The following FGF14 variants were observed in gnomAD, a reference collection of about 807,000 sequenced individuals.
FGF14 encodes fibroblast growth factor homologous factor 4.
A neutral mutation model predicts 25.5 loss-of-function variants in FGF14; 5 were observed. That is an observed-to-expected ratio of 0.20 (90% CI 0.10 to 0.41). FGF14 has a LOEUF of 0.41. Ranked by LOEUF, FGF14 falls within the 10% of genes least tolerant of loss-of-function variation. The pLI is 1.00. For synonymous variants in FGF14, 138 were observed against 118.3 expected (o/e 1.17, Z -1.08); for missense variants, 222 against 320.1 (o/e 0.69, Z 2.34).
At chr13:101,982,080 C>G (rs1388360886) in intron 1 of FGF14, among the ~76,000 whole-genome samples, 1 of 152,096 alleles carries the variant, frequency 6.6e-6, no homozygotes, top group Non-Finnish European at 1.5e-5. Context: ...TTAGTAGGGT[C>G]ACCATAAAAT....
In FGF14 at chr13:102,073,976, C is replaced by G. The variant is rs1347693487; in HGVS notation, c.209-198680G>C. On this transcript the variant is annotated intron_variant, in intron 1 of 4. Coordinates refer to the FGF14 transcript ENST00000376131. ...CTCCCTCTCTCTCTGCCCTTCCCAACAAGGTCTGAGACAGTTTCATAAAAG... is the reference window on the plus strand; with the variant it reads ...CTCCCTCTCTCTCTGCCCTTCCCAAGAAGGTCTGAGACAGTTTCATAAAAG... Among the ~76,000 whole-genome samples the G allele has an allele frequency of 5.9e-5, 9 of 152,180 alleles. No individual in the cohort carries two copies. In the South Asian group the frequency reaches 1.9e-3, roughly 32 times the overall value.
At chr13:101,939,369 T>A (rs2035299867) in intron 1 of FGF14, among the ~76,000 whole-genome samples, 1 of 152,226 alleles carries the variant, frequency 6.6e-6, no homozygotes, top group South Asian at 2.1e-4. Context: ...TAGAAATAGC[T>A]TAGTAAGCCA....
intron 1 of FGF14, among the ~76,000 whole-genome samples, chr13:102,105,365 C>T (rs2044857566): frequency 1.3e-5 from 2 of 152,044 alleles, no homozygotes; most frequent in South Asian, 4.2e-4. Flanking sequence ...TTTAATTGAC[C>T]ATGGTTGACC....
intron 1 of FGF14, among the ~76,000 whole-genome samples, chr13:102,302,072 A>G (rs75131475): frequency 0.027 from 4,064 of 152,134 alleles, 193 homozygotes; most frequent in African/African-American, 0.092. Flanking sequence ...CCTTCCTCAC[A>G]CTGCTTGTTC....
At chr13:102,340,403 T>C (rs554519297) in intron 1 of FGF14, among the ~76,000 whole-genome samples, 158 of 152,010 alleles carry the variant, frequency 1.0e-3, no homozygotes, top group African/African-American at 3.7e-3. Flanking sequence ...TTGCTAGCTA[T>C]TCTTTGCCCG....
At chr13:101,779,649 T>C (rs1450642728) in intron 3 of FGF14, among the ~76,000 whole-genome samples, 2 of 152,226 alleles carry the variant, frequency 1.3e-5, no homozygotes, top group Non-Finnish European at 2.9e-5. Flanking sequence ...TGCATACATC[T>C]AATCTGAAGG....
intron 3 of FGF14, among the ~76,000 whole-genome samples, chr13:101,839,679 T>C (rs1412456774): frequency 6.6e-6 from 1 of 152,002 alleles, no homozygotes; most frequent in Non-Finnish European, 1.5e-5. Context: ...ATTATGTCTA[T>C]GGTGTTTTCC....
chr13:101,743,041 C>T (rs1312626683), intron 3 of FGF14, among the ~76,000 whole-genome samples: 2 of 152,182 alleles, frequency 1.3e-5, no homozygotes, highest in African/African-American at 4.8e-5. Context: ...AAGTCCCCTC[C>T]CTGCTTCAAG....
At chr13:102,155,046 T>C (rs1227133532) in intron 1 of FGF14, among the ~76,000 whole-genome samples, 1 of 152,060 alleles carries the variant, frequency 6.6e-6, no homozygotes, top group Non-Finnish European at 1.5e-5. Context: ...AGACTTAGAC[T>C]CCCACACAAT....
At chr13:101,905,652 G>A (rs1438618858) in intron 1 of FGF14, among the ~76,000 whole-genome samples, 3 of 152,040 alleles carry the variant, frequency 2.0e-5, no homozygotes, top group Non-Finnish European at 4.4e-5. Context: ...GTATACCTAT[G>A]TAACAAAACT....
At chr13:102,149,765 A>G (rs987605175) in intron 1 of FGF14, among the ~76,000 whole-genome samples, 2 of 152,230 alleles carry the variant, frequency 1.3e-5, no homozygotes, top group Admixed American at 6.5e-5. Context: ...AGCCCAGGGC[A>G]GAGCTCCGGA....
intron 1 of FGF14, among the ~76,000 whole-genome samples, chr13:102,261,407 A>C (rs527616926): frequency 6.6e-6 from 1 of 152,338 alleles, no homozygotes; most frequent in South Asian, 2.1e-4. Context: ...TAAATGAAAA[A>C]CCAATGTGAA....
At chr13:101,739,541 G>A (rs2036406921) in intron 3 of FGF14, among the ~76,000 whole-genome samples, 1 of 152,168 alleles carries the variant, frequency 6.6e-6, no homozygotes, top group Non-Finnish European at 1.5e-5. Flanking sequence ...ACCAGTATGA[G>A]TTAACTAGAC....
At chr13:101,847,416 C>G (rs530634233) in intron 3 of FGF14, among the ~76,000 whole-genome samples, 2 of 152,132 alleles carry the variant, frequency 1.3e-5, no homozygotes, top group African/African-American at 4.8e-5. Flanking sequence ...TTAAGTATAA[C>G]TTAGCTCTTT....
chr13:102,362,091 T>C (rs2057582691), intron 1 of FGF14, among the ~76,000 whole-genome samples: 1 of 152,172 alleles, frequency 6.6e-6, no homozygotes, highest in African/African-American at 2.4e-5. Context: ...GTGTCCTCAC[T>C]ACTGCCAGAA....
rs549662663 is a variant in FGF14 at position 102,200,911 on chromosome 13, G to A, written c.208+200560C>T. ...AGGTCGGGAGATCGAGACCATCTTGGCTAACATGGTGAAACCCCGTCTCTA... is the reference window on the plus strand; with the variant it reads ...AGGTCGGGAGATCGAGACCATCTTGACTAACATGGTGAAACCCCGTCTCTA... On this transcript the variant is annotated intron_variant, in intron 1 of 4. Transcript: ENST00000376131. 6.4e-3 allele frequency among the ~76,000 whole-genome samples: 974 copies of A among 151,876 alleles called. 2 individuals carry two copies. Among genetic ancestry groups the A allele is most frequent in the Non-Finnish European group, 0.01 (712 of 67,920 alleles).
chr13:102,188,943 GGAGA>G (rs1485931303), intron 1 of FGF14, among the ~76,000 whole-genome samples: 9 of 96,268 alleles, frequency 9.3e-5, no homozygotes, highest in South Asian at 3.5e-4. Flanking sequence ...AAAAAAGAAA[GGAGA>G]GAAAGAAAGA....
At chr13:102,226,337 T>C (rs889977117) in intron 1 of FGF14, among the ~76,000 whole-genome samples, 2 of 152,198 alleles carry the variant, frequency 1.3e-5, no homozygotes, top group African/African-American at 4.8e-5. Context: ...GGATTCTAGC[T>C]AATAGACCAG....
intron 1 of FGF14, among the ~76,000 whole-genome samples, chr13:102,336,128 A>G (rs1237522823): frequency 2.0e-5 from 3 of 152,184 alleles, no homozygotes; most frequent in Admixed American, 6.5e-5. Flanking sequence ...ATAAAAAGCT[A>G]GAAATGATTA....
Sources: allele counts gnomAD v4.1 joint callset (sites outside exome capture counted in the v4.1 genomes callset), GRCh38; gene constraint gnomAD v4.1.1; transcripts MANE v1.5; gene names NCBI Gene and HGNC (gene_info 2026-07-23, HGNC 2026-07-21).